SDK2: variants seen among roughly 807,000 people sequenced by gnomAD.
SDK2 encodes sidekick cell adhesion molecule 2, also known as protein sidekick-2.
A neutral mutation model predicts 253.9 loss-of-function variants in SDK2; 105 were observed. The ratio of observed to expected loss-of-function variants is 0.41; its 90% CI spans 0.35 to 0.49. The LOEUF (loss-of-function observed/expected upper bound fraction) is 0.49. Among genes scored for constraint, SDK2 ranks in the 20% least tolerant of loss-of-function variants. The pLI is 0.06. For missense variants in SDK2, 2,608 were observed against 3,003.0 expected, an observed-to-expected ratio of 0.87 and a Z score of 3.07; for synonymous variants, 1,249 against 1,234.9, an observed-to-expected ratio of 1.01 and a Z score of -0.24.
intron 12 of SDK2, among the ~76,000 whole-genome samples, chr17:73,429,870 C>G (rs1017963118): frequency 6.6e-6 from 1 of 152,002 alleles, no homozygotes. Context: ...CCTTTCTTGG[C>G]TGCTTCCTCC....
In SDK2 at chr17:73,338,224, G is replaced by A. The variant is rs1362013420; in HGVS notation, c.*363C>T. On this transcript the variant is annotated 3_prime_UTR_variant, in exon 45 of 45. Coordinates refer to ENST00000392650, the MANE Select transcript of SDK2 (RefSeq NM_001144952.2). The surrounding 1 kb of genome is among the most constrained non-coding windows in gnomAD (Gnocchi z 5.0). Reference sequence around the variant, plus strand: ...ACATCCAGAAGCTTTTTCTTCCCTCGGCCACGCCTGCCTGGCGGCCTCCAG... The same window carrying A: ...ACATCCAGAAGCTTTTTCTTCCCTCAGCCACGCCTGCCTGGCGGCCTCCAG... 1.0e-5 allele frequency: 4 copies of A among 386,642 alleles called. No homozygotes were observed. Among genetic ancestry groups the A allele is most frequent in the Admixed American group, 7.2e-5 (2 of 27,796 alleles). The allele number at this position is 386,642 out of a possible 1,614,324, so 24.0% of individuals were successfully genotyped here. A position where few individuals can be genotyped will look rare whatever the true frequency, so the allele number is the denominator to read the frequency against.
At chr17:73,389,436 G>A (rs1365557629) in intron 29 of SDK2, among the ~76,000 whole-genome samples, 1 of 152,084 alleles carries the variant, frequency 6.6e-6, no homozygotes, top group African/African-American at 2.4e-5. Flanking sequence ...CACCTGCCTC[G>A]GCCTCCCAAA....
At chr17:73,441,776 G>C (rs934405024) in intron 5 of SDK2, among the ~76,000 whole-genome samples, 1 of 152,208 alleles carries the variant, frequency 6.6e-6, no homozygotes, top group African/African-American at 2.4e-5. Context: ...CAGGCCATAA[G>C]AGACTAAAAT....
chr17:73,445,892 C>T (rs2063450077), intron 5 of SDK2, among the ~76,000 whole-genome samples: 3 of 152,242 alleles, frequency 2.0e-5, no homozygotes, highest in South Asian at 4.1e-4. Flanking sequence ...GGTGACTAGG[C>T]AGGGCTTGGG....
At chr17:73,466,116 G>A (rs191615110) in intron 3 of SDK2, among the ~76,000 whole-genome samples, 196 of 152,288 alleles carry the variant, frequency 1.3e-3, no homozygotes, top group Non-Finnish European at 2.1e-3. Context: ...TTGAGAATGA[G>A]CACCTCCTTA....
In SDK2 at chr17:73,435,568, C is replaced by T. The variant is rs984039728; in HGVS notation, c.1077G>A (p.Gln359=). The change falls in exon 9 of 45, where the codon CAG becomes CAA. Residue 359 remains glutamine (Q), a synonymous_variant. Coordinates refer to ENST00000392650, the MANE Select transcript of SDK2 (RefSeq NM_001144952.2). The surrounding 1 kb of genome is among the most constrained non-coding windows in gnomAD (Gnocchi z 5.7). ...TGATCTGCAGGCCCCCGTCGTTGCG[C>T]TGCCGGAAGCGGGTCAACTTCTCCA... is the stretch of plus-strand genomic sequence containing the variant. The part of the protein sequence containing the change: ...VEVEKLTRFR[Q]RNDGGLQISG... The T allele has an allele frequency of 4.4e-6, 7 of 1,585,308 alleles. No individual in the cohort carries two copies. The African/African-American group carries it at 9.4e-5, about 21-fold the overall frequency.
intron 1 of SDK2, among the ~76,000 whole-genome samples, chr17:73,563,849 T>C (rs1019221669): frequency 6.6e-6 from 1 of 152,108 alleles, no homozygotes; most frequent in Non-Finnish European, 1.5e-5. Context: ...CATGGCTTAC[T>C]GCAGCCTTAA....
At chr17:73,542,601 A>G (rs2044886652) in intron 1 of SDK2, among the ~76,000 whole-genome samples, 1 of 152,028 alleles carries the variant, frequency 6.6e-6, no homozygotes, top group Admixed American at 6.5e-5. Flanking sequence ...CCCCTCAACG[A>G]GGAGGGGTGG....
At chr17:73,457,222 T>TCTTCCTTCCTTC (rs150011955) in intron 3 of SDK2, among the ~76,000 whole-genome samples, 1 of 41,338 alleles carries the variant, frequency 2.4e-5, no homozygotes, top group Non-Finnish European at 4.6e-5. Context: ...TTTTCTTTTC[T>TCTTCCTTCCTTC]CTTCCTTCCT....
At chr17:73,432,792 A>C (rs998235775) in intron 10 of SDK2, among the ~76,000 whole-genome samples, 2 of 151,860 alleles carry the variant, frequency 1.3e-5, no homozygotes, top group African/African-American at 2.4e-5. Flanking sequence ...GTGTATGTAC[A>C]TGTGTGTGCA....
At chr17:73,462,447 TATACAC>T (rs1170349685) in intron 3 of SDK2, among the ~76,000 whole-genome samples, 28 of 152,184 alleles carry the variant, frequency 1.8e-4, no homozygotes, top group South Asian at 6.2e-4. Context: ...GGTATATATA[TATACAC>T]ACACACATAC....
chr17:73,448,566 T>C (rs62073334), intron 4 of SDK2, among the ~76,000 whole-genome samples: 1 of 151,964 alleles, frequency 6.6e-6, no homozygotes, highest in Non-Finnish European at 1.5e-5. Flanking sequence ...GGGTTTCACT[T>C]TGTTAGCCAG....
chr17:73,339,933 C>A (rs1371100040), intron 44 of SDK2, among the ~76,000 whole-genome samples: 2 of 151,926 alleles, frequency 1.3e-5, no homozygotes, highest in Non-Finnish European at 2.9e-5. Flanking sequence ...TGCAATGGTG[C>A]AATCTGGGCT....
At chr17:73,596,120 G>A (rs181920564) in intron 1 of SDK2, among the ~76,000 whole-genome samples, 1 of 152,312 alleles carries the variant, frequency 6.6e-6, no homozygotes, top group East Asian at 1.9e-4. Flanking sequence ...CACACAGGGA[G>A]TCCCAGCTGC....
intron 18 of SDK2, among the ~76,000 whole-genome samples, chr17:73,410,222 C>T (rs950954483): frequency 6.6e-6 from 1 of 152,194 alleles, no homozygotes; most frequent in South Asian, 2.1e-4. Flanking sequence ...ATGACCTTGA[C>T]ACTGTGTTTG....
chr17:73,641,017 A>G (rs1246579336), intron 1 of SDK2: 1 of 152,198 alleles, frequency 6.6e-6, no homozygotes, highest in Admixed American at 6.5e-5. Flanking sequence ...AGTGTCTGGG[A>G]GCGGAGCCCA....
At chr17:73,604,712 G>C (rs1044888601) in intron 1 of SDK2, among the ~76,000 whole-genome samples, 2 of 152,188 alleles carry the variant, frequency 1.3e-5, no homozygotes, top group African/African-American at 4.8e-5. Context: ...TGCCAAGTGG[G>C]CCTCACAACA....
In SDK2 at chr17:73,643,982, C is replaced by CA; in HGVS notation, c.64+42_64+43insT. On this transcript the variant is annotated intron_variant, in intron 1 of 44. Transcript: ENST00000392650. The surrounding 1 kb of genome is among the most constrained non-coding windows in gnomAD (Gnocchi z 6.9). ...TCCCGCCGCCCCTCCCCCGCCCACT[C>CA]TCCCAGCCCCCTCCCTGTCCCCACG... 9.4e-7 allele frequency: 1 copy of CA among 1,066,068 alleles called. No homozygotes were observed. The highest frequency in any genetic ancestry group is 1.4e-6 in the Non-Finnish European group (1 of 727,848). 66.0% of individuals were successfully genotyped at this position (1,066,068 alleles called of 1,614,324 possible).
chr17:73,494,545 T>C (rs77352677), intron 2 of SDK2, among the ~76,000 whole-genome samples: 3,042 of 152,330 alleles, frequency 0.02, 95 homozygotes, highest in African/African-American at 0.068. Context: ...CAGTCACGGT[T>C]TGAGAGACTT....
Sources: gnomAD v4.1 joint callset for allele counts (sites outside exome capture counted in the v4.1 genomes callset) on GRCh38, gnomAD v4.1.1 for gene constraint, Gnocchi (gnomAD v3.1) non-coding constraint, MANE v1.5 for transcripts, NCBI Gene and HGNC (gene_info 2026-07-23, HGNC 2026-07-21) for gene names.